The following SOAT1 variants were observed in gnomAD, a reference collection of about 807,000 sequenced individuals.
SOAT1 encodes the protein sterol O-acyltransferase 1, also known as acyl-coenzyme A:cholesterol acyltransferase 1.
Under a neutral mutation model 69.5 loss-of-function variants are expected in SOAT1, and 55 were observed. The observed-to-expected ratio is 0.79, with a 90% CI of 0.64 to 0.99. The LOEUF (loss-of-function observed/expected upper bound fraction) is 0.99. Among genes scored for constraint, SOAT1 ranks in the 50% least tolerant of loss-of-function variants. The pLI is 0.00. For synonymous variants in SOAT1, 231 were observed against 224.7 expected (o/e 1.03, Z -0.25); for missense variants, 580 against 669.3 (o/e 0.87, Z 1.47).
chr1:179,324,769 TAAC>T (rs1189650146), intron 3 of SOAT1, among the ~76,000 whole-genome samples: 23 of 136,920 alleles, frequency 1.7e-4, no homozygotes. Context: ...GCTAAGAAAA[TAAC>T]AATATTTAAC....
At chr1:179,304,980 A>G (rs575207908) in intron 2 of SOAT1, among the ~76,000 whole-genome samples, 1 of 152,172 alleles carries the variant, frequency 6.6e-6, no homozygotes, top group East Asian at 1.9e-4. Flanking sequence ...ATATTTGCAT[A>G]CCATTAAAGT....
At chr1:179,337,979 TA>T in intron 5 of SOAT1, 83 bp downstream of exon 5, 2 of 900,938 alleles carry the variant, frequency 2.2e-6, no homozygotes, top group Non-Finnish European at 1.7e-6. Context: ...TATGGACATG[TA>T]ATGAGTTCTG....
At chr1:179,317,362 T>A (rs1165397071) in intron 2 of SOAT1, among the ~76,000 whole-genome samples, 1 of 152,006 alleles carries the variant, frequency 6.6e-6, no homozygotes, top group Non-Finnish European at 1.5e-5. Context: ...TGAAACCCTG[T>A]CTCTAGTAAA....
chr1:179,311,731 C>G (rs938661182), intron 2 of SOAT1, among the ~76,000 whole-genome samples: 9 of 152,010 alleles, frequency 5.9e-5, no homozygotes, highest in African/African-American at 1.9e-4. Flanking sequence ...TTTTAAAAAA[C>G]AAATTAAATA....
chr1:179,347,582 T>A lies in SOAT1; in HGVS notation c.1118-18T>A. Reference sequence around the variant, plus strand: ...AGCTATTTGGAAAGACTGTTAATATTGTTAATCTTATTTTTAGGTGTGCTG... The same window carrying A: ...AGCTATTTGGAAAGACTGTTAATATAGTTAATCTTATTTTTAGGTGTGCTG... On this transcript the variant is annotated intron_variant, in intron 11 of 15. Coordinates refer to ENST00000367619, the MANE Select transcript of SOAT1 (RefSeq NM_003101.6). The A allele has an allele frequency of 6.7e-7, 1 of 1,489,082 alleles. No homozygotes were observed. The highest frequency in any genetic ancestry group is 9.4e-7 in the Non-Finnish European group (1 of 1,068,850). 92.2% of individuals were successfully genotyped at this position (1,489,082 alleles called of 1,614,324 possible).
intron 15 of SOAT1, among the ~76,000 whole-genome samples, chr1:179,352,250 CTTT>C (rs369185631): frequency 2.8e-5 from 4 of 142,006 alleles, no homozygotes; most frequent in Admixed American, 7.0e-5. Flanking sequence ...AGGAGGATGG[CTTT>C]TTTTTTTTTT....
chr1:179,310,103 T>G (rs1665170805), intron 2 of SOAT1, among the ~76,000 whole-genome samples: 1 of 152,096 alleles, frequency 6.6e-6, no homozygotes, highest in African/African-American at 2.4e-5. Context: ...TTTCACCATA[T>G]CAGCCAGGCT....
intron 2 of SOAT1, among the ~76,000 whole-genome samples, chr1:179,322,175 C>T (rs182574477): frequency 2.6e-5 from 4 of 152,228 alleles, no homozygotes; most frequent in Admixed American, 2.0e-4. Flanking sequence ...TGCACCCCCA[C>T]GCCCAGCCTT....
chr1:179,321,362 G>T (rs1256264849), intron 2 of SOAT1, among the ~76,000 whole-genome samples: 1 of 152,066 alleles, frequency 6.6e-6, no homozygotes, highest in Non-Finnish European at 1.5e-5. Context: ...TAGAGATAGG[G>T]TCTTGCTACA....
chr1:179,316,169 C>G (rs1480470009), intron 2 of SOAT1, among the ~76,000 whole-genome samples: 1 of 152,022 alleles, frequency 6.6e-6, no homozygotes, highest in Non-Finnish European at 1.5e-5. Flanking sequence ...TCTTAGTTTC[C>G]TCAAAGCCCT....
chr1:179,313,574 G>GTA (rs1196208240), intron 2 of SOAT1, among the ~76,000 whole-genome samples: 1 of 150,968 alleles, frequency 6.6e-6, no homozygotes. Context: ...GTATATGTGT[G>GTA]TATATATATG....
intron 8 of SOAT1, 137 bp downstream of exon 8, chr1:179,342,329 C>T (rs1666368589): frequency 8.9e-6 from 5 of 560,316 alleles, no homozygotes; most frequent in Non-Finnish European, 1.6e-5. Flanking sequence ...CTCTTTCTCT[C>T]TCTCTCTCTT....
intron 1 of SOAT1, among the ~76,000 whole-genome samples, chr1:179,299,271 TG>T (rs979282680): frequency 2.6e-5 from 4 of 152,204 alleles, no homozygotes; most frequent in Non-Finnish European, 4.4e-5. Context: ...TTATTTGATT[TG>T]GGACAAGTTA....
intron 2 of SOAT1, among the ~76,000 whole-genome samples, chr1:179,307,355 C>A (rs983720691): frequency 1.3e-5 from 2 of 152,142 alleles, no homozygotes; most frequent in Non-Finnish European, 2.9e-5. Flanking sequence ...AAAACACATG[C>A]AAGAAGAAAT....
intron 8 of SOAT1, 46 bp from the exon 9 acceptor site, chr1:179,342,816 G>GA (rs1666386410): frequency 7.0e-7 from 1 of 1,424,650 alleles, no homozygotes; most frequent in Non-Finnish European, 9.9e-7. Flanking sequence ...TTTTTGCTGT[G>GA]AAAAATCAAA....
At chr1:179,318,072 A>G (rs1201647517) in intron 2 of SOAT1, among the ~76,000 whole-genome samples, 2 of 151,966 alleles carry the variant, frequency 1.3e-5, no homozygotes, top group African/African-American at 2.4e-5. Context: ...GCACACATCT[A>G]TGGTCCCAGC....
chr1:179,324,316 G>A (rs1665705516), intron 3 of SOAT1, among the ~76,000 whole-genome samples: 1 of 152,154 alleles, frequency 6.6e-6, no homozygotes, highest in South Asian at 2.1e-4. Flanking sequence ...TATCATCCAA[G>A]GCCAGGGGCA....
intron 2 of SOAT1, among the ~76,000 whole-genome samples, chr1:179,312,183 C>T (rs1665240268): frequency 6.6e-6 from 1 of 152,148 alleles, no homozygotes; most frequent in African/African-American, 2.4e-5. Context: ...CATTGCTGGC[C>T]TGCCTAAGGC....
At chr1:179,347,465 C>T in intron 11 of SOAT1, 135 bp from the exon 12 acceptor site, 3 of 564,110 alleles carry the variant, frequency 5.3e-6, no homozygotes, top group Non-Finnish European at 9.5e-6. Context: ...TATATCATCT[C>T]TGGAATGGGT....
Sources: gnomAD v4.1 joint callset for allele counts (sites outside exome capture counted in the v4.1 genomes callset) on GRCh38, gnomAD v4.1.1 for gene constraint, MANE v1.5 for transcripts, NCBI Gene and HGNC (gene_info 2026-07-23, HGNC 2026-07-21) for gene names.